Variants in JAK2 observed in about 807,000 individuals in gnomAD.
The protein encoded by JAK2 is tyrosine-protein kinase JAK2.
JAK2 carries 86 observed loss-of-function variants against 139.3 expected under a neutral mutation model. The ratio of observed to expected loss-of-function variants is 0.62; its 90% CI spans 0.52 to 0.74. The LOEUF (loss-of-function observed/expected upper bound fraction) is 0.74, where lower values mean the gene tolerates loss of function less well. Ranked by LOEUF, JAK2 falls within the 30% of genes least tolerant of loss-of-function variation. The pLI is 0.00. For synonymous variants in JAK2, 490 were observed against 437.7 expected, an observed-to-expected ratio of 1.12 and a Z score of -1.49; for missense variants, 1,421 against 1,360.3, an observed-to-expected ratio of 1.04 and a Z score of -0.70.
intron 2 of JAK2, among the ~76,000 whole-genome samples, chr9:5,009,170 G>A (rs1293444265): frequency 6.6e-6 from 1 of 152,212 alleles, no homozygotes; most frequent in African/African-American, 2.4e-5. Context: ...TGGAATGGAT[G>A]AGCAAATTGG....
At chr9:5,068,982 G>T (rs770118332) in intron 10 of JAK2, 40 bp from the exon 11 acceptor site, 93 of 1,179,878 alleles carry the variant, frequency 7.9e-5, no homozygotes, top group Admixed American at 4.5e-5. Context: ...GATGTCCATT[G>T]TGACTATCCC....
At chr9:4,989,951 A>G (rs1820150771) in intron 2 of JAK2, among the ~76,000 whole-genome samples, 1 of 152,214 alleles carries the variant, frequency 6.6e-6, no homozygotes, top group South Asian at 2.1e-4. Flanking sequence ...TTGAATTGAG[A>G]AAGAGTTTGC....
At chr9:5,115,865 TATGGAC>T (rs1054375453) in intron 22 of JAK2, among the ~76,000 whole-genome samples, 57 of 152,034 alleles carry the variant, frequency 3.7e-4, no homozygotes, top group African/African-American at 1.4e-3. Flanking sequence ...AATGACAACA[TATGGAC>T]ACAGGGAGGG....
intron 5 of JAK2, among the ~76,000 whole-genome samples, chr9:5,046,605 T>C (rs1413045777): frequency 1.3e-5 from 2 of 152,214 alleles, no homozygotes; most frequent in Admixed American, 1.3e-4. Context: ...CCAACTTCTT[T>C]TGCTTGTGAA....
Position 5,085,073 on chromosome 9 carries a change from C to G in JAK2, c.2571+3212C>G, listed in dbSNP as rs932797224. On this transcript the variant is annotated intron_variant, in intron 19 of 24. Transcript: ENST00000381652. ...CTGGGGATGAGAAGTTTACTGCTCT[C>G]TCTTATTGCTTCATGGCAGTACTGC... The G allele has an allele frequency of 2.9e-5, 20 of 683,760 alleles. No individual in the cohort carries two copies. The African/African-American group carries it at 3.6e-4, about 12-fold the overall frequency. 42.4% of individuals were successfully genotyped at this position (683,760 alleles called of 1,614,324 possible). A position where few individuals can be genotyped will look rare whatever the true frequency, so the allele number is the denominator to read the frequency against.
chr9:5,011,134 G>A (rs1034726367), intron 2 of JAK2, among the ~76,000 whole-genome samples: 3 of 152,006 alleles, frequency 2.0e-5, no homozygotes, highest in Non-Finnish European at 2.9e-5. Flanking sequence ...TTTTTGGATC[G>A]GTGGTTTGAT....
At chr9:5,036,913 G>T (rs1041494945) in intron 4 of JAK2, among the ~76,000 whole-genome samples, 1 of 152,192 alleles carries the variant, frequency 6.6e-6, no homozygotes, top group East Asian at 1.9e-4. Context: ...ACTACCATCA[G>T]AGTGAACAGG....
At chr9:5,114,286 A>G in intron 22 of JAK2, 1 of 542,678 alleles carries the variant, frequency 1.8e-6, no homozygotes, top group Admixed American at 2.2e-5. Context: ...AGCAAGGAGA[A>G]CGTGAAGCTG....
intron 2 of JAK2, among the ~76,000 whole-genome samples, chr9:5,013,328 C>CA (rs1821824011): frequency 6.6e-6 from 1 of 152,168 alleles, no homozygotes; most frequent in Admixed American, 6.5e-5. Flanking sequence ...GTAGGAAAAA[C>CA]ATAGTATATC....
intron 22 of JAK2, among the ~76,000 whole-genome samples, chr9:5,113,174 G>A (rs1472736554): frequency 7.6e-6 from 1 of 130,850 alleles, no homozygotes; most frequent in African/African-American, 2.9e-5. Flanking sequence ...TGGCCCTGTT[G>A]TCTGGGCTGG....
Position 5,085,590 on chromosome 9 carries a change from A to G in JAK2, c.2571+3729A>G, listed in dbSNP as rs117809013. Reference sequence around the variant, plus strand: ...TATTTCCAGTTTGTGCCCCACCTATAGATACTACAGAAAGAATTAAATCTC... The same window carrying G: ...TATTTCCAGTTTGTGCCCCACCTATGGATACTACAGAAAGAATTAAATCTC... On this transcript the variant is annotated intron_variant, in intron 19 of 24. Transcript: ENST00000381652. The G allele has an allele frequency of 3.7e-4, 255 of 696,124 alleles. 1 individual carries two copies. In the East Asian group the frequency reaches 6.5e-3, roughly 18 times the overall value. The allele number at this position is 696,124 out of a possible 1,614,324, so 43.1% of individuals were successfully genotyped here. A position where few individuals can be genotyped will look rare whatever the true frequency, so the allele number is the denominator to read the frequency against.
Position 5,004,954 on chromosome 9 carries a change from T to C in JAK2, c.-25-17009T>C, listed in dbSNP as rs1448545191. ...TTTTTTGAGACAGAGTCTTGCTCTGTTGCCTAGGCTGAAGTGCAGTGGTGT... is the reference window on the plus strand; with the variant it reads ...TTTTTTGAGACAGAGTCTTGCTCTGCTGCCTAGGCTGAAGTGCAGTGGTGT... On this transcript the variant is annotated intron_variant, in intron 2 of 24. Transcript: ENST00000381652. Among the ~76,000 whole-genome samples the C allele has an allele frequency of 3.3e-5, 5 of 151,050 alleles. No individual in the cohort carries two copies. The East Asian group carries it at 9.7e-4, about 29-fold the overall frequency.
chr9:5,126,193 A>T, intron 23 of JAK2, 140 bp from the exon 24 acceptor site: 1 of 573,366 alleles, frequency 1.7e-6, no homozygotes, highest in South Asian at 2.4e-5. Context: ...TTGATCCTAA[A>T]AGTAGTTTGT....
At chr9:5,076,536 T>A (rs928523540) in intron 14 of JAK2, among the ~76,000 whole-genome samples, 2 of 152,186 alleles carry the variant, frequency 1.3e-5, no homozygotes, top group African/African-American at 4.8e-5. Context: ...TTGTTTTTTT[T>A]AAGATATAAC....
intron 5 of JAK2, among the ~76,000 whole-genome samples, chr9:5,045,483 T>C (rs1002658542): frequency 6.6e-6 from 1 of 152,184 alleles, no homozygotes; most frequent in Non-Finnish European, 1.5e-5. Context: ...TACAAATACA[T>C]TGCTGTACAA....
chr9:5,103,803 G>A (rs566080992), intron 22 of JAK2, among the ~76,000 whole-genome samples: 2 of 152,226 alleles, frequency 1.3e-5, no homozygotes, highest in Admixed American at 6.5e-5. Context: ...TGAACAACCT[G>A]CTCCTGAATG....
intron 8 of JAK2, among the ~76,000 whole-genome samples, chr9:5,057,980 A>G (rs1817885022): frequency 6.6e-6 from 1 of 152,178 alleles, no homozygotes. Context: ...TTCAGTTAGT[A>G]TAATATACTC....
intron 4 of JAK2, among the ~76,000 whole-genome samples, chr9:5,043,998 C>T (rs1014390524): frequency 5.3e-5 from 8 of 152,190 alleles, no homozygotes; most frequent in South Asian, 2.1e-4. Context: ...ATAGAGTGTT[C>T]TTTGTTTCTC....
intron 4 of JAK2, among the ~76,000 whole-genome samples, chr9:5,036,857 C>T (rs1816073980): frequency 6.6e-6 from 1 of 152,174 alleles, no homozygotes; most frequent in African/African-American, 2.4e-5. Context: ...CCAGAATTGA[C>T]AAATGGGATC....
Sources: gnomAD v4.1 joint callset for allele counts (sites outside exome capture counted in the v4.1 genomes callset) on GRCh38, gnomAD v4.1.1 for gene constraint, MANE v1.5 for transcripts, NCBI Gene and HGNC (gene_info 2026-07-23, HGNC 2026-07-21) for gene names.